MAST4: variants seen among roughly 807,000 people sequenced by gnomAD.
MAST4 encodes the protein microtubule associated serine/threonine kinase family member 4, also known as microtubule-associated serine/threonine-protein kinase 4.
MAST4 carries 89 observed loss-of-function variants against 162.7 expected under a neutral mutation model. That is an observed-to-expected ratio of 0.55 (90% CI 0.46 to 0.65). The LOEUF is 0.65. Ranked by LOEUF, MAST4 falls within the 30% of genes least tolerant of loss-of-function variation. The pLI, the probability that MAST4 is intolerant of heterozygous loss-of-function variation, is 0.00. For missense variants in MAST4, 3,153 were observed against 3,374.0 expected, an observed-to-expected ratio of 0.93 and a Z score of 1.62; for synonymous variants, 1,479 against 1,361.1, an observed-to-expected ratio of 1.09 and a Z score of -1.91.
intron 5 of MAST4, among the ~76,000 whole-genome samples, chr5:67,080,010 C>T (rs2561452): frequency 0.25 from 37,990 of 152,096 alleles, 5,420 homozygotes; most frequent in African/African-American, 0.4. Flanking sequence ...CGCTAGTCTG[C>T]CTTAGAGTCG....
intron 3 of MAST4, among the ~76,000 whole-genome samples, chr5:66,821,320 T>C (rs1191188518): frequency 1.3e-5 from 2 of 152,258 alleles, no homozygotes; most frequent in Admixed American, 1.3e-4. Context: ...GCTGTTTCTT[T>C]ACCTTTGTTA....
intron 4 of MAST4, among the ~76,000 whole-genome samples, chr5:66,908,426 G>A (rs1046760442): frequency 2.0e-5 from 3 of 152,148 alleles, no homozygotes; most frequent in African/African-American, 7.2e-5. Flanking sequence ...AATCTAGTGT[G>A]TATTGAGGGC....
chr5:67,135,534 C>T (rs532142523), intron 18 of MAST4, among the ~76,000 whole-genome samples: 47 of 152,290 alleles, frequency 3.1e-4, no homozygotes, highest in African/African-American at 1.1e-3. Context: ...ATATGAGGGG[C>T]CCCTTTATCA....
At chr5:66,651,203 G>A (rs568048186) in intron 1 of MAST4, among the ~76,000 whole-genome samples, 6 of 151,732 alleles carry the variant, frequency 4.0e-5, no homozygotes, top group South Asian at 2.1e-4. Context: ...AAAAAAGTAC[G>A]TCTCATACAG....
intron 3 of MAST4, among the ~76,000 whole-genome samples, chr5:66,854,675 T>C (rs1243837377): frequency 6.6e-6 from 1 of 152,048 alleles, no homozygotes; most frequent in Non-Finnish European, 1.5e-5. Flanking sequence ...TAACCTAATC[T>C]GGGAAGTGAC....
At chr5:66,873,664 C>T (rs947694695) in intron 3 of MAST4, among the ~76,000 whole-genome samples, 1 of 152,106 alleles carries the variant, frequency 6.6e-6, no homozygotes, top group African/African-American at 2.4e-5. Flanking sequence ...AACACTGAGC[C>T]CCATTGCTCT....
At chr5:66,704,116 C>T (rs1749960502) in intron 1 of MAST4, among the ~76,000 whole-genome samples, 1 of 152,162 alleles carries the variant, frequency 6.6e-6, no homozygotes, top group African/African-American at 2.4e-5. Flanking sequence ...TCTTAAGTAC[C>T]TGAGGTTTTT....
Position 67,165,386 on chromosome 5 carries a change from G to A in MAST4, c.6207G>A (p.Glu2069=), listed in dbSNP as rs1430499222. 3 of 1,613,648 alleles carry A rather than the reference G, an allele frequency of 1.9e-6. No individual in the cohort carries two copies. The Admixed American group carries it at 5.0e-5, about 27-fold the overall frequency. The change falls in exon 29 of 29, where the codon GAG becomes GAA. Residue 2069 remains glutamate (E), a synonymous_variant. Coordinates refer to ENST00000403625, the MANE Select transcript of MAST4 (RefSeq NM_001164664.2). Reference sequence around the variant, plus strand: ...TGCACTCAGCTGGAATTCCCTGTGAGAAGGAGCTGGGCAAGGTGAGGCGTG... The same window carrying A: ...TGCACTCAGCTGGAATTCCCTGTGAAAAGGAGCTGGGCAAGGTGAGGCGTG... The part of the protein sequence containing the change: ...SSLHSAGIPC[E]KELGKVRRGV...
rs1744781076 is a variant in MAST4, at chr5:66,631,326, G to A, written c.363+34308G>A. Among the ~76,000 whole-genome samples, 4 of 152,180 alleles carry A rather than the reference G, an allele frequency of 2.6e-5. No homozygotes were observed. The South Asian group carries it at 8.3e-4, about 31-fold the overall frequency. ...ATGGTAATTTCTAAGTAGGGGGTAA[G>A]GAGTTGCTATACATAAAGCAGGGAA... On this transcript the variant is annotated intron_variant, in intron 1 of 28. Transcript: ENST00000403625.
In MAST4 at chr5:67,153,568, ACTC is replaced by A; in HGVS notation, c.3639_3641del (p.Leu1215del). 1 of 1,583,842 alleles carries A rather than the reference ACTC, an allele frequency of 6.3e-7. No homozygotes were observed. Among genetic ancestry groups the A allele is most frequent in the Non-Finnish European group, 8.6e-7 (1 of 1,164,296 alleles). On this transcript the variant is annotated inframe_deletion, in exon 26 of 29. Coordinates refer to ENST00000403625, the MANE Select transcript of MAST4 (RefSeq NM_001164664.2). The stretch of plus-strand genomic sequence containing the variant: ...GACTTGTCCACACAGAAGTTATAGA[ACTC>A]CTACTGAAGGTATTGTATGTTTTAT...
intron 19 of MAST4, among the ~76,000 whole-genome samples, chr5:67,139,722 C>A (rs1348803157): frequency 6.6e-6 from 1 of 152,186 alleles, no homozygotes; most frequent in East Asian, 1.9e-4. Flanking sequence ...CTATCATTTG[C>A]ATGAGTGATT....
chr5:66,622,650 G>C (rs1046150536), intron 1 of MAST4, among the ~76,000 whole-genome samples: 2 of 152,150 alleles, frequency 1.3e-5, no homozygotes, highest in Non-Finnish European at 2.9e-5. Flanking sequence ...AAGCAAACAG[G>C]CTCAGGATGT....
At chr5:66,702,360 G>A (rs1043509734) in intron 1 of MAST4, among the ~76,000 whole-genome samples, 3 of 152,190 alleles carry the variant, frequency 2.0e-5, no homozygotes, top group Non-Finnish European at 4.4e-5. Context: ...CTCTCATGGA[G>A]CTGACATTAG....
chr5:66,826,220 G>C (rs1757247541), intron 3 of MAST4, among the ~76,000 whole-genome samples: 1 of 151,550 alleles, frequency 6.6e-6, no homozygotes, highest in Non-Finnish European at 1.5e-5. Flanking sequence ...GATACATTTT[G>C]ACAGGTAATC....
At chr5:66,830,421 T>C (rs1757522050) in intron 3 of MAST4, among the ~76,000 whole-genome samples, 1 of 152,188 alleles carries the variant, frequency 6.6e-6, no homozygotes, top group African/African-American at 2.4e-5. Flanking sequence ...AATGGAGCTA[T>C]TTTCTATTTA....
At chr5:66,916,504 A>G (rs887688252) in intron 4 of MAST4, among the ~76,000 whole-genome samples, 1 of 152,244 alleles carries the variant, frequency 6.6e-6, no homozygotes, top group African/African-American at 2.4e-5. Context: ...TGAAATTACT[A>G]TTGTGCTCAT....
chr5:67,073,408 A>G lies in MAST4; in HGVS notation c.764-16754A>G, dbSNP rs1761207354. Among the ~76,000 whole-genome samples, 7 of 152,352 alleles carry G rather than the reference A, an allele frequency of 4.6e-5. No homozygotes were observed. The South Asian group carries it at 1.4e-3, about 32-fold the overall frequency. On this transcript the variant is annotated intron_variant, in intron 5 of 28. Coordinates refer to ENST00000403625, the MANE Select transcript of MAST4 (RefSeq NM_001164664.2). ...TAGTCTATATTCTAACTGCAAGGAAAGTTGGAAAAGTGGGTGGTGGCATCA... is the reference window on the plus strand; with the variant it reads ...TAGTCTATATTCTAACTGCAAGGAAGGTTGGAAAAGTGGGTGGTGGCATCA...
chr5:66,854,591 C>T (rs993767725), intron 3 of MAST4, among the ~76,000 whole-genome samples: 8 of 152,074 alleles, frequency 5.3e-5, no homozygotes, highest in African/African-American at 1.7e-4. Context: ...AACTCACTTC[C>T]ATCAGACGGA....
Position 67,098,524 on chromosome 5 carries a change from T to C in MAST4, c.913-1911T>C, listed in dbSNP as rs545600546. Among the ~76,000 whole-genome samples the C allele has an allele frequency of 2.0e-5, 3 of 152,264 alleles. No individual in the cohort carries two copies. In the South Asian group the frequency reaches 6.2e-4, roughly 32 times the overall value. ...ATAAGAATATAAATACTCATAAAAA[T>C]ATGAAGTATGTCTATCAAATGATAT... On this transcript the variant is annotated intron_variant, in intron 7 of 28. Coordinates refer to ENST00000403625, the MANE Select transcript of MAST4 (RefSeq NM_001164664.2).
Sources: allele counts gnomAD v4.1 joint callset (sites outside exome capture counted in the v4.1 genomes callset), GRCh38; gene constraint gnomAD v4.1.1; transcripts MANE v1.5; gene names NCBI Gene and HGNC (gene_info 2026-07-23, HGNC 2026-07-21).